The following AGBL1 variants were observed in gnomAD, a reference collection of about 807,000 sequenced individuals.
The protein encoded by AGBL1 is AGBL carboxypeptidase 1, also known as cytosolic carboxypeptidase 4.
In AGBL1, 130 loss-of-function variants were observed where a neutral mutation model predicts 118.9. The observed-to-expected ratio is 1.09, with a 90% CI of 0.95 to 1.26. The LOEUF is 1.26. AGBL1 is among the 50% of genes most tolerant of loss of function. The pLI is 0.00. For synonymous variants in AGBL1, 555 were observed against 478.9 expected (o/e 1.16, Z -2.08); for missense variants, 1,584 against 1,298.1 (o/e 1.22, Z -3.38).
At chr15:86,707,670 C>A (rs12911331) in intron 22 of AGBL1, among the ~76,000 whole-genome samples, 8 of 151,840 alleles carry the variant, frequency 5.3e-5, no homozygotes, top group South Asian at 2.1e-4. Context: ...AATAAAAATC[C>A]TTTTTTCTGG....
chr15:86,456,656 A>C (rs2082262329), intron 18 of AGBL1, among the ~76,000 whole-genome samples: 1 of 152,208 alleles, frequency 6.6e-6, no homozygotes, highest in East Asian at 1.9e-4. Context: ...GAGGTCTGAT[A>C]AAAGCTGCAC....
chr15:86,160,734 A>C (rs185477102), intron 5 of AGBL1, among the ~76,000 whole-genome samples: 310 of 152,272 alleles, frequency 2.0e-3, no homozygotes, highest in African/African-American at 7.4e-3. Flanking sequence ...CCTTTAGATT[A>C]TGTGCAAATC....
chr15:86,742,580 G>A (rs938623038), intron 22 of AGBL1, among the ~76,000 whole-genome samples: 5 of 152,064 alleles, frequency 3.3e-5, no homozygotes, highest in African/African-American at 1.2e-4. Context: ...CCTATGTTCT[G>A]CCTATTGCCT....
At chr15:86,948,707 T>C (rs2141666908) in intron 23 of AGBL1, among the ~76,000 whole-genome samples, 1 of 152,390 alleles carries the variant, frequency 6.6e-6, no homozygotes, top group East Asian at 1.9e-4. Flanking sequence ...ATGTCTTAGC[T>C]AGTATCCCTG....
At chr15:86,112,400 A>T (rs1329028647) in intron 1 of AGBL1, among the ~76,000 whole-genome samples, 1 of 152,224 alleles carries the variant, frequency 6.6e-6, no homozygotes, top group African/African-American at 2.4e-5. Context: ...TGTATTTAAC[A>T]CTATAACATG....
chr15:86,271,791 A>C (rs1318820009), intron 15 of AGBL1, 85 bp downstream of exon 15: 9 of 1,276,048 alleles, frequency 7.1e-6, no homozygotes, highest in Non-Finnish European at 8.0e-6. Context: ...TCTTATAAAC[A>C]TCAGCAATCT....
chr15:86,935,235 A>G (rs1335092404), intron 23 of AGBL1: 1 of 152,130 alleles, frequency 6.6e-6, no homozygotes, highest in Non-Finnish European at 1.5e-5. Context: ...CCAGAGATCA[A>G]TTAGAGGGTC....
chr15:86,300,801 A>G (rs1229557118), intron 17 of AGBL1, among the ~76,000 whole-genome samples: 1 of 152,182 alleles, frequency 6.6e-6, no homozygotes, highest in African/African-American at 2.4e-5. Context: ...AAATATTCTT[A>G]CAAAAGCAAT....
chr15:86,501,159 T>C (rs1458960207), intron 18 of AGBL1, among the ~76,000 whole-genome samples: 4 of 151,670 alleles, frequency 2.6e-5, no homozygotes, highest in African/African-American at 9.7e-5. Flanking sequence ...TGATCCACAT[T>C]CCCTCCAACA....
chr15:86,805,022 C>G (rs2078697665), intron 22 of AGBL1, among the ~76,000 whole-genome samples: 1 of 151,974 alleles, frequency 6.6e-6, no homozygotes, highest in Non-Finnish European at 1.5e-5. Context: ...TGAAGGACTC[C>G]CAGTGCCAAG....
At chr15:86,466,392 C>T (rs547053370) in intron 18 of AGBL1, among the ~76,000 whole-genome samples, 13 of 152,352 alleles carry the variant, frequency 8.5e-5, no homozygotes, top group African/African-American at 3.1e-4. Flanking sequence ...AGCAATTCCT[C>T]TAACCTTTTA....
chr15:86,440,726 G>T (rs542293644), intron 18 of AGBL1, among the ~76,000 whole-genome samples: 76 of 152,160 alleles, frequency 5.0e-4, no homozygotes, highest in Non-Finnish European at 1.0e-3. Context: ...CCTTTGACAT[G>T]GTCTCCTGCT....
chr15:86,692,788 A>C (rs2086194838), intron 22 of AGBL1, among the ~76,000 whole-genome samples: 1 of 152,050 alleles, frequency 6.6e-6, no homozygotes, highest in Non-Finnish European at 1.5e-5. Flanking sequence ...TTCCCCAAAG[A>C]CCACTGTGTC....
At chr15:86,490,270 G>A (rs550175091) in intron 18 of AGBL1, among the ~76,000 whole-genome samples, 3 of 152,152 alleles carry the variant, frequency 2.0e-5, no homozygotes, top group South Asian at 2.1e-4. Context: ...GTGTGTGCAC[G>A]CTGCCTTCAC....
intron 19 of AGBL1, among the ~76,000 whole-genome samples, chr15:86,532,319 G>A (rs1364867228): frequency 6.6e-6 from 1 of 151,718 alleles, no homozygotes; most frequent in Admixed American, 6.6e-5. Flanking sequence ...ACCAACAACA[G>A]ACAAACAGAG....
At chr15:86,220,877 A>C (rs2078269910) in intron 5 of AGBL1, among the ~76,000 whole-genome samples, 1 of 152,194 alleles carries the variant, frequency 6.6e-6, no homozygotes, top group African/African-American at 2.4e-5. Context: ...TTTACACTCT[A>C]AGAAAACAGT....
chr15:86,552,600 C>T (rs763029133), intron 20 of AGBL1, among the ~76,000 whole-genome samples: 4 of 152,144 alleles, frequency 2.6e-5, no homozygotes, highest in South Asian at 2.1e-4. Context: ...ACATACTGCT[C>T]GATGTGTAGG....
chr15:86,265,568 G>A (rs527418193), intron 11 of AGBL1, among the ~76,000 whole-genome samples: 4 of 152,224 alleles, frequency 2.6e-5, no homozygotes, highest in Admixed American at 1.3e-4. Flanking sequence ...TATTATCCAC[G>A]TCATCTGTAA....
At chr15:86,835,781 C>A (rs764127738) in intron 22 of AGBL1, among the ~76,000 whole-genome samples, 4 of 152,050 alleles carry the variant, frequency 2.6e-5, no homozygotes, top group Admixed American at 6.6e-5. Context: ...ACAAAGGGTG[C>A]AGGGCATTAG....
Sources: allele counts gnomAD v4.1 joint callset (sites outside exome capture counted in the v4.1 genomes callset), GRCh38; gene constraint gnomAD v4.1.1; transcripts MANE v1.5; gene names NCBI Gene and HGNC (gene_info 2026-07-23, HGNC 2026-07-21).